The following SCN8A variants were observed in gnomAD, a reference collection of about 807,000 sequenced individuals.
SCN8A encodes the protein sodium channel protein type 8 subunit alpha.
SCN8A carries 30 observed loss-of-function variants against 184.1 expected under a neutral mutation model. The observed-to-expected ratio is 0.16, with a 90% CI of 0.12 to 0.22. SCN8A has a LOEUF of 0.22. Among genes scored for constraint, SCN8A ranks in the 10% least tolerant of loss-of-function variants. The pLI, the probability that SCN8A is intolerant of heterozygous loss-of-function variation, is 1.00. For synonymous variants in SCN8A, 852 were observed against 907.0 expected (o/e 0.94, Z 1.09); for missense variants, 1,057 against 2,498.9 (o/e 0.42, Z 12.30).
chr12:51,721,952 AC>A (rs1942074941), intron 12 of SCN8A, 44 bp downstream of exon 12: 1 of 1,599,330 alleles, frequency 6.3e-7, no homozygotes, highest in East Asian at 2.2e-5. Context: ...GTAAGGAAGA[AC>A]ACAAATAGAT....
intron 1 of SCN8A, among the ~76,000 whole-genome samples, chr12:51,605,987 T>A (rs1386177114): frequency 6.6e-6 from 1 of 152,222 alleles, no homozygotes; most frequent in Non-Finnish European, 1.5e-5. Flanking sequence ...TTGTAGATTC[T>A]GGTTATTAGT....
chr12:51,732,660 A>G (rs1332535056), intron 12 of SCN8A, among the ~76,000 whole-genome samples: 1 of 152,172 alleles, frequency 6.6e-6, no homozygotes, highest in Non-Finnish European at 1.5e-5. Context: ...TGCTTTGACT[A>G]ATATGAACAT....
At chr12:51,660,332 C>T (rs1940902733) in intron 1 of SCN8A, among the ~76,000 whole-genome samples, 1 of 152,168 alleles carries the variant, frequency 6.6e-6, no homozygotes, top group Non-Finnish European at 1.5e-5. Flanking sequence ...CTGTGAAGAA[C>T]CCAGGTGCCT....
At chr12:51,713,555 G>A in intron 11 of SCN8A, 2 of 731,206 alleles carry the variant, frequency 2.7e-6, no homozygotes, top group Admixed American at 3.7e-5. Context: ...CGGTGGCAAT[G>A]TCGACGGCTG....
chr12:51,645,349 G>A (rs1206315042), intron 1 of SCN8A, among the ~76,000 whole-genome samples: 4 of 151,340 alleles, frequency 2.6e-5, no homozygotes, highest in East Asian at 2.0e-4. Flanking sequence ...TCAGCCCCCC[G>A]TCTGGCCAGC....
chr12:51,760,356 G>A (rs1942743897), intron 14 of SCN8A, among the ~76,000 whole-genome samples: 1 of 152,194 alleles, frequency 6.6e-6, no homozygotes, highest in South Asian at 2.1e-4. Flanking sequence ...ATGTGTTGAA[G>A]CAACATGGTG....
chr12:51,626,846 A>G (rs1408005407), intron 1 of SCN8A, among the ~76,000 whole-genome samples: 1 of 149,822 alleles, frequency 6.7e-6, no homozygotes, highest in Non-Finnish European at 1.5e-5. Context: ...TTATATGTAA[A>G]TTAGTATTTA....
chr12:51,801,372 C>T (rs1236823184), intron 26 of SCN8A, among the ~76,000 whole-genome samples: 4 of 152,182 alleles, frequency 2.6e-5, no homozygotes, highest in African/African-American at 9.7e-5. Flanking sequence ...AGGTGCTCCC[C>T]TCACAAATCT....
At chr12:51,705,041 A>G (rs1018628272) in intron 9 of SCN8A, among the ~76,000 whole-genome samples, 1 of 152,172 alleles carries the variant, frequency 6.6e-6, no homozygotes, top group Non-Finnish European at 1.5e-5. Context: ...CAGAGACATA[A>G]TTTGTCTGTT....
At chr12:51,733,750 G>A (rs1207737615) in intron 12 of SCN8A, among the ~76,000 whole-genome samples, 1 of 152,038 alleles carries the variant, frequency 6.6e-6, no homozygotes, top group East Asian at 1.9e-4. Context: ...CTTGTTACTT[G>A]TTAATTGGTC....
chr12:51,773,693 C>T (rs1345765707), intron 19 of SCN8A, among the ~76,000 whole-genome samples: 2 of 152,194 alleles, frequency 1.3e-5, no homozygotes, highest in African/African-American at 4.8e-5. Context: ...ACCTAAAAAC[C>T]CATACACAGA....
chr12:51,614,174 A>G (rs112959711), intron 1 of SCN8A, among the ~76,000 whole-genome samples: 3,655 of 152,150 alleles, frequency 0.024, 157 homozygotes, highest in African/African-American at 0.082. Flanking sequence ...TGTCCATTTT[A>G]TCCTTAGTTT....
intron 14 of SCN8A, among the ~76,000 whole-genome samples, chr12:51,757,525 C>T (rs1942695302): frequency 6.6e-6 from 1 of 152,142 alleles, no homozygotes; most frequent in Non-Finnish European, 1.5e-5. Flanking sequence ...TGACTTCTCC[C>T]CAGACCCCAT....
intron 7 of SCN8A, 77 bp from the exon 8 acceptor site, chr12:51,701,067 G>A: frequency 1.0e-6 from 1 of 965,504 alleles, no homozygotes; most frequent in Non-Finnish European, 1.7e-6. Flanking sequence ...GCTGGGGCTA[G>A]TTAGGAACAG....
chr12:51,712,430 C>T, intron 11 of SCN8A: 1 of 764,160 alleles, frequency 1.3e-6, no homozygotes, highest in Non-Finnish European at 2.4e-6. Context: ...GCGCTCTCTC[C>T]TGCTGAGAAC....
chr12:51,693,974 G>A (rs530617603), intron 6 of SCN8A, among the ~76,000 whole-genome samples: 65 of 152,156 alleles, frequency 4.3e-4, no homozygotes, highest in African/African-American at 1.5e-3. Flanking sequence ...CTGTTGTCAC[G>A]CAGGCTGGAG....
chr12:51,650,056 C>T (rs1300986719), intron 1 of SCN8A, among the ~76,000 whole-genome samples: 1 of 152,286 alleles, frequency 6.6e-6, no homozygotes, highest in East Asian at 1.9e-4. Flanking sequence ...CAAAGTTCCA[C>T]AGATCTCTAG....
At position 51,771,141 on chromosome 12, in the gene SCN8A, A is replaced by T. The variant is rs544482335; in HGVS notation, c.3645+458A>T. ...GGTTATTTATATTCACATTGTCCTA[A>T]GTGCTTATTAATCAGTGAAACATAC... is the stretch of plus-strand genomic sequence containing the variant. On this transcript the variant is annotated intron_variant, in intron 19 of 26. Transcript: ENST00000627620. Among the ~76,000 whole-genome samples the T allele has an allele frequency of 2.0e-5, 3 of 152,334 alleles. No homozygotes were observed. In the South Asian group the frequency reaches 6.2e-4, roughly 32 times the overall value.
chr12:51,598,620 ATGTT>A (rs1939397750), intron 1 of SCN8A, among the ~76,000 whole-genome samples: 1 of 152,144 alleles, frequency 6.6e-6, no homozygotes, highest in Non-Finnish European at 1.5e-5. Context: ...TTGTCTTGAA[ATGTT>A]TGTTTGAATA....
Sources: allele counts gnomAD v4.1 joint callset (sites outside exome capture counted in the v4.1 genomes callset), GRCh38; gene constraint gnomAD v4.1.1; transcripts MANE v1.5; gene names NCBI Gene and HGNC (gene_info 2026-07-23, HGNC 2026-07-21).